DISC1: variants seen among roughly 807,000 people sequenced by gnomAD.
DISC1 encodes disrupted in schizophrenia 1 protein.
Under a neutral mutation model 84.5 loss-of-function variants are expected in DISC1, and 57 were observed. The observed-to-expected ratio is 0.67, with a 90% confidence interval of 0.55 to 0.84. The LOEUF is 0.84. Among genes scored for constraint, DISC1 ranks in the 40% least tolerant of loss-of-function variants. The pLI, the probability that DISC1 is intolerant of heterozygous loss-of-function variation, is 0.00. For missense variants in DISC1, 1,000 were observed against 1,057.8 expected, an observed-to-expected ratio of 0.95 and a Z score of 0.76; for synonymous variants, 411 against 415.2, an observed-to-expected ratio of 0.99 and a Z score of 0.12.
At chr1:231,762,507 T>G (rs1453530946) in intron 4 of DISC1, among the ~76,000 whole-genome samples, 7 of 68,626 alleles carry the variant, frequency 1.0e-4, no homozygotes, top group Non-Finnish European at 2.2e-4. Flanking sequence ...ATTTTTAGTT[T>G]TGTTTTGTTT....
intron 1 of DISC1, among the ~76,000 whole-genome samples, chr1:231,658,280 T>C (rs1054817427): frequency 1.3e-5 from 2 of 152,194 alleles, no homozygotes; most frequent in Non-Finnish European, 2.9e-5. Context: ...GGCTCTTTGA[T>C]TGCCTGTTGT....
chr1:231,723,305 C>A (rs1413425627), intron 3 of DISC1: 2 of 986,024 alleles, frequency 2.0e-6, no homozygotes, highest in Non-Finnish European at 2.4e-6. Context: ...GTTCAAGGGT[C>A]AACCATAACT....
intron 9 of DISC1, among the ~76,000 whole-genome samples, chr1:231,831,790 T>G (rs2082246569): frequency 1.3e-5 from 2 of 152,008 alleles, no homozygotes; most frequent in Non-Finnish European, 1.5e-5. Flanking sequence ...TGACGTGTCG[T>G]CCTTTTGCAA....
rs570158436 is a variant in DISC1, at chr1:231,799,967, T to A, written c.1690-141T>A. 1.1e-5 allele frequency: 5 copies of A among 453,908 alleles called. No homozygotes were observed. In the East Asian group the frequency reaches 2.1e-4, roughly 19 times the overall value. 28.1% of individuals were successfully genotyped at this position (453,908 alleles called of 1,614,324 possible). A position where few individuals can be genotyped will look rare whatever the true frequency, so the allele number is the denominator to read the frequency against. On this transcript the variant is annotated intron_variant, in intron 7 of 12. Transcript: ENST00000439617. ...TTGTCTTTCTTTTTCCATTGCTTGC[T>A]TTTTGAACATTGTCTTCCAATTACT...
chr1:231,912,762 T>G, intron 9 of DISC1, among the ~76,000 whole-genome samples: 1 of 135,334 alleles, frequency 7.4e-6, no homozygotes, highest in East Asian at 2.2e-4. Context: ...TCTTTCTTTC[T>G]TTCTTTCTTT....
At chr1:231,997,270 C>T (rs573558603) in intron 10 of DISC1, among the ~76,000 whole-genome samples, 2 of 152,214 alleles carry the variant, frequency 1.3e-5, no homozygotes, top group Admixed American at 1.3e-4. Context: ...CATTATACTG[C>T]AGAAAATTAT....
chr1:231,632,197 T>C (rs1003206052), intron 1 of DISC1, among the ~76,000 whole-genome samples: 1 of 152,204 alleles, frequency 6.6e-6, no homozygotes, highest in Non-Finnish European at 1.5e-5. Context: ...GTACACTCTA[T>C]GGTGTTTGCA....
At chr1:231,961,279 C>T (rs942337792) in intron 10 of DISC1, among the ~76,000 whole-genome samples, 9 of 152,202 alleles carry the variant, frequency 5.9e-5, no homozygotes, top group Admixed American at 1.3e-4. Flanking sequence ...CTCTGTGCAG[C>T]GTTTCTTCCT....
chr1:231,640,528 A>ATTTTT (rs58820518), intron 1 of DISC1, among the ~76,000 whole-genome samples: 10 of 133,322 alleles, frequency 7.5e-5, no homozygotes, highest in African/African-American at 2.5e-4. Context: ...CCTCCTTGGT[A>ATTTTT]TTTTTTTTTT....
chr1:231,938,186 C>G (rs1012915554), intron 9 of DISC1, among the ~76,000 whole-genome samples: 1 of 152,108 alleles, frequency 6.6e-6, no homozygotes, highest in African/African-American at 2.4e-5. Context: ...TGTTACAAGG[C>G]TAAAGGGATT....
At chr1:231,834,043 A>T (rs1240341786) in intron 9 of DISC1, among the ~76,000 whole-genome samples, 1 of 152,136 alleles carries the variant, frequency 6.6e-6, no homozygotes, top group African/African-American at 2.4e-5. Context: ...CTGGGTTTTT[A>T]TAGTTGCTGA....
At chr1:231,663,025 T>C (rs1476838621) in intron 1 of DISC1, among the ~76,000 whole-genome samples, 1 of 150,716 alleles carries the variant, frequency 6.6e-6, no homozygotes. Flanking sequence ...ACGAAAAACG[T>C]CCAGTCAAAA....
intron 9 of DISC1, among the ~76,000 whole-genome samples, chr1:231,906,994 CTT>C (rs1413006498): frequency 1.9e-5 from 2 of 103,120 alleles, no homozygotes; most frequent in African/African-American, 3.8e-5. Flanking sequence ...TCTTTTCTTT[CTT>C]TCTTTCTCTC....
intron 3 of DISC1, chr1:231,722,651 C>T (rs1419173458): frequency 6.8e-6 from 11 of 1,612,862 alleles, no homozygotes; most frequent in East Asian, 4.5e-5. Flanking sequence ...ATCCACACAG[C>T]GTAGATCATG....
chr1:231,720,932 A>G, intron 3 of DISC1: 1 of 1,290,980 alleles, frequency 7.7e-7, no homozygotes, highest in Non-Finnish European at 1.0e-6. Context: ...CAGGTAATTT[A>G]CTTTACCTCT....
intron 9 of DISC1, among the ~76,000 whole-genome samples, chr1:231,887,583 ATACC>A (rs2086860386): frequency 6.6e-6 from 1 of 152,260 alleles, no homozygotes. Context: ...CTTGTGAGTT[ATACC>A]ATTAAGTCTA....
intron 10 of DISC1, among the ~76,000 whole-genome samples, chr1:231,975,333 A>T (rs1270052577): frequency 6.6e-6 from 1 of 152,226 alleles, no homozygotes; most frequent in Non-Finnish European, 1.5e-5. Context: ...TTTGATGAAG[A>T]TGTATTGTAG....
chr1:231,687,245 C>T (rs1202329809), intron 1 of DISC1, among the ~76,000 whole-genome samples: 1 of 152,126 alleles, frequency 6.6e-6, no homozygotes, highest in Non-Finnish European at 1.5e-5. Context: ...TGTATTAGTC[C>T]ATTTTTATGC....
chr1:231,759,625 G>A (rs542775300), intron 4 of DISC1, among the ~76,000 whole-genome samples: 142 of 150,844 alleles, frequency 9.4e-4, no homozygotes, highest in Non-Finnish European at 1.7e-3. Flanking sequence ...AGGATTGCTT[G>A]AACTCAGGAA....
Sources: gnomAD v4.1 joint callset for allele counts (sites outside exome capture counted in the v4.1 genomes callset) on GRCh38, gnomAD v4.1.1 for gene constraint, MANE v1.5 for transcripts, NCBI Gene and HGNC (gene_info 2026-07-23, HGNC 2026-07-21) for gene names.